LRRC9: variants seen among roughly 807,000 people sequenced by gnomAD.
LRRC9 encodes the protein leucine rich repeat containing 9.
LRRC9 carries 122 observed loss-of-function variants against 63.2 expected under a neutral mutation model. The observed-to-expected ratio is 1.93, with a 90% confidence interval of 1.67 to 2.24. The LOEUF (loss-of-function observed/expected upper bound fraction) is 2.24. Among genes scored for constraint, LRRC9 ranks in the 30% most tolerant of loss-of-function variants. The pLI is 0.00. For synonymous variants in LRRC9, 366 were observed against 213.1 expected (o/e 1.72, Z -6.25); for missense variants, 1,071 against 627.7 (o/e 1.71, Z -7.55).
chr14:60,012,306 G>A (rs1485672698), intron 23 of LRRC9, among the ~76,000 whole-genome samples: 1 of 152,128 alleles, frequency 6.6e-6, no homozygotes, highest in Non-Finnish European at 1.5e-5. Flanking sequence ...CTCATTCTCT[G>A]TCCAACACTC....
At position 59,923,706 on chromosome 14, in the gene LRRC9, T is replaced by A. The variant is rs1285716424; in HGVS notation, c.-34+3823T>A. On this transcript the variant is annotated intron_variant, in intron 1 of 31. Coordinates refer to ENST00000445360, the Ensembl canonical transcript of LRRC9. This position sits in a 1 kb window ranked among gnomAD's most constrained non-coding sequence, Gnocchi z 4.2. ...CACGCCTCCCAGCACTCTGGGAAGC[T>A]GAGGTGGGTGGATCACGAGGTCTGG... Among the ~76,000 whole-genome samples, 1 of 152,138 alleles carries A rather than the reference T, an allele frequency of 6.6e-6. No individual in the cohort carries two copies. Among genetic ancestry groups the A allele is most frequent in the East Asian group, 1.9e-4 (1 of 5,198 alleles).
chr14:59,981,685 A>C (rs1886945946), intron 15 of LRRC9, among the ~76,000 whole-genome samples, 163 bp from the exon 16 acceptor site: 1 of 152,242 alleles, frequency 6.6e-6, no homozygotes, highest in Non-Finnish European at 1.5e-5. Flanking sequence ...TGCATAGCCT[A>C]CAATTTTAAT....
At chr14:60,056,179 A>G (rs1267906740) in intron 30 of LRRC9, among the ~76,000 whole-genome samples, 1 of 152,212 alleles carries the variant, frequency 6.6e-6, no homozygotes, top group African/African-American at 2.4e-5. Context: ...AAGGCAAGGT[A>G]TTCACAGGTT....
chr14:60,021,852 C>T (rs546682348), intron 26 of LRRC9, among the ~76,000 whole-genome samples: 3 of 151,780 alleles, frequency 2.0e-5, no homozygotes, highest in African/African-American at 7.2e-5. Flanking sequence ...TATGTCTGTC[C>T]TTTTGTGCCA....
At chr14:59,981,576 C>A (rs1057275057) in intron 15 of LRRC9, among the ~76,000 whole-genome samples, 2 of 152,140 alleles carry the variant, frequency 1.3e-5, no homozygotes, top group Non-Finnish European at 2.9e-5. Context: ...GTCACAATTT[C>A]TAGGCTTTTG....
chr14:60,025,200 C>T (rs974456985), intron 27 of LRRC9, among the ~76,000 whole-genome samples: 1 of 151,996 alleles, frequency 6.6e-6, no homozygotes, highest in African/African-American at 2.4e-5. Flanking sequence ...AAGTAATCCT[C>T]CCACCTCAGC....
chr14:60,064,684 CAGA>C (rs1471118112), downstream of LRRC9, among the ~76,000 whole-genome samples: 2 of 152,234 alleles, frequency 1.3e-5, no homozygotes, highest in African/African-American at 4.8e-5. Flanking sequence ...TTAAGATGTC[CAGA>C]AGATGTCTTT....
intron 27 of LRRC9, among the ~76,000 whole-genome samples, chr14:60,023,137 AAC>A: frequency 6.6e-6 from 1 of 152,160 alleles, no homozygotes; most frequent in Middle Eastern, 3.4e-3. Flanking sequence ...CAATAAAAAA[AAC>A]AGTGGATAAT....
chr14:59,930,053 C>A lies in LRRC9; in HGVS notation c.268-865C>A, dbSNP rs1227791450. ...TACCTAAATAACAAACCTGCACATG[C>A]ACCCCTGAACTTAAAATATAAGTTC... On this transcript the variant is annotated intron_variant, in intron 3 of 31. Transcript: ENST00000445360. The surrounding 1 kb of genome is among the most constrained non-coding windows in gnomAD (Gnocchi z 4.9). Among the ~76,000 whole-genome samples, 6 of 151,968 alleles carry A rather than the reference C, an allele frequency of 3.9e-5. No individual in the cohort carries two copies. Among genetic ancestry groups the A allele is most frequent in the Non-Finnish European group, 7.4e-5 (5 of 67,950 alleles).
At chr14:59,960,993 T>C in exon 10 of LRRC9, 1 of 695,174 alleles carries the variant, frequency 1.4e-6, no homozygotes, top group Non-Finnish European at 2.6e-6. Context: ...GTTAATTGAG[T>C]TAGAGACTGT....
chr14:59,974,583 T>C (rs1885910837), exon 13 of LRRC9: 2 of 646,080 alleles, frequency 3.1e-6, no homozygotes. Flanking sequence ...CAGCTGCCTC[T>C]CAAAAAAGAA....
chr14:60,005,124 T>C (rs771688512), intron 21 of LRRC9, among the ~76,000 whole-genome samples: 4 of 152,132 alleles, frequency 2.6e-5, no homozygotes, highest in African/African-American at 2.4e-5. Flanking sequence ...GTATTAAATA[T>C]ATTTAAGAAA....
At chr14:59,960,244 T>TC (rs1351204485) in intron 9 of LRRC9, among the ~76,000 whole-genome samples, 1 of 152,086 alleles carries the variant, frequency 6.6e-6, no homozygotes, top group Non-Finnish European at 1.5e-5. Context: ...ACAGTAAGCT[T>TC]CCCCCCAGTG....
Position 60,003,664 on chromosome 14 carries a change from C to G in LRRC9, c.2708C>G (p.Thr903Arg). ...GATGGACAACATCTTTTTGAAATCACAAATTTAGAAAAATTGGAAAATTTG... is the reference window on the plus strand; with the variant it reads ...GATGGACAACATCTTTTTGAAATCAGAAATTTAGAAAAATTGGAAAATTTG... Residue 903 changes from threonine to arginine, a missense_variant, in exon 21 of 32, where the codon ACA (threonine) becomes AGA (arginine). Transcript: ENST00000445360. The surrounding 1 kb of genome is among the most constrained non-coding windows in gnomAD (Gnocchi z 4.2). 1 of 688,676 alleles carries G rather than the reference C, an allele frequency of 1.5e-6. No individual in the cohort carries two copies. The highest frequency in any genetic ancestry group is 2.6e-6 in the Non-Finnish European group (1 of 380,626). The allele number at this position is 688,676 out of a possible 1,614,324, so 42.7% of individuals were successfully genotyped here. A position where few individuals can be genotyped will look rare whatever the true frequency, so the allele number is the denominator to read the frequency against.
At chr14:60,054,654 G>A (rs552733336) in intron 30 of LRRC9, among the ~76,000 whole-genome samples, 50 of 151,976 alleles carry the variant, frequency 3.3e-4, no homozygotes, top group South Asian at 8.3e-4. Flanking sequence ...ACCAATCAAG[G>A]GACCCTTGCC....
chr14:59,967,742 T>C (rs998391760), intron 12 of LRRC9, among the ~76,000 whole-genome samples: 1 of 152,192 alleles, frequency 6.6e-6, no homozygotes, highest in South Asian at 2.1e-4. Flanking sequence ...TGTAGCACAC[T>C]GGTGTAGAGC....
At chr14:59,926,275 A>G (rs1048211657) in intron 1 of LRRC9, among the ~76,000 whole-genome samples, 2 of 152,096 alleles carry the variant, frequency 1.3e-5, no homozygotes, top group African/African-American at 2.4e-5. Context: ...TAGCACTGCT[A>G]TATTCTTTTC....
At chr14:60,056,157 A>C (rs1894269762) in intron 30 of LRRC9, among the ~76,000 whole-genome samples, 1 of 152,212 alleles carries the variant, frequency 6.6e-6, no homozygotes, top group Admixed American at 6.5e-5. Context: ...CCTGCAAAGT[A>C]CTTTGCCATG....
chr14:59,925,975 G>C (rs997585734), intron 1 of LRRC9, among the ~76,000 whole-genome samples: 1 of 152,154 alleles, frequency 6.6e-6, no homozygotes, highest in Non-Finnish European at 1.5e-5. Flanking sequence ...TCTACAAGGG[G>C]CTTCCCCCTT....
Sources: allele counts gnomAD v4.1 joint callset (sites outside exome capture counted in the v4.1 genomes callset), GRCh38; gene constraint gnomAD v4.1.1; non-coding constraint Gnocchi (gnomAD v3.1); transcripts MANE v1.5; gene names NCBI Gene and HGNC (gene_info 2026-07-23, HGNC 2026-07-21).